Variants in KCNMA1 observed in about 807,000 individuals in gnomAD.
KCNMA1 encodes the protein Calcium-activated potassium channel subunit alpha-1.
In KCNMA1, 29 loss-of-function variants were observed where a neutral mutation model predicts 140.0. That is an observed-to-expected ratio of 0.21 (90% CI 0.15 to 0.28). The LOEUF is 0.28. KCNMA1 is among the 10% of genes least tolerant of loss of function. The pLI, the probability that KCNMA1 is intolerant of heterozygous loss-of-function variation, is 1.00. For synonymous variants in KCNMA1, 612 were observed against 611.9 expected (o/e 1.00, Z 0.00); for missense variants, 880 against 1,602.2 (o/e 0.55, Z 7.70).
intron 13 of KCNMA1, among the ~76,000 whole-genome samples, chr10:77,077,054 T>C (rs1004210621): frequency 8.6e-5 from 13 of 151,316 alleles, no homozygotes; most frequent in East Asian, 3.9e-4. Flanking sequence ...AGAAAAAAAA[T>C]GTTGAAAGGG....
rs116122608 is a variant in KCNMA1 at position 77,073,406 on chromosome 10, C to T, written c.1594-154G>A. Among the ~76,000 whole-genome samples, 786 of 152,266 alleles carry T rather than the reference C, an allele frequency of 5.2e-3. 8 individuals are homozygous for T. The highest frequency in any genetic ancestry group is 0.018 in the African/African-American group (746 of 41,556). On this transcript the variant is annotated intron_variant, in intron 13 of 27. Coordinates refer to ENST00000286628, the MANE Select transcript of KCNMA1 (RefSeq NM_001161352.2). The stretch of plus-strand genomic sequence containing the variant: ...GCGGTCTGATGTTTGCTGTTTTATG[C>T]AACTCTTCTGCTCATCACACTTCAG...
intron 20 of KCNMA1, among the ~76,000 whole-genome samples, chr10:76,958,104 C>T (rs921305191): frequency 1.3e-5 from 2 of 152,178 alleles, no homozygotes; most frequent in Non-Finnish European, 1.5e-5. Flanking sequence ...CCAATCAACA[C>T]TGCTGTGATC....
chr10:77,195,482 T>C (rs900509647), intron 3 of KCNMA1, among the ~76,000 whole-genome samples: 5 of 152,198 alleles, frequency 3.3e-5, no homozygotes, highest in African/African-American at 1.2e-4. Context: ...GATTATACAA[T>C]CATATCTTCA....
At chr10:77,492,709 T>C (rs916660420) in intron 1 of KCNMA1, among the ~76,000 whole-genome samples, 1 of 152,194 alleles carries the variant, frequency 6.6e-6, no homozygotes, top group Non-Finnish European at 1.5e-5. Flanking sequence ...CCTCAGTCTT[T>C]CCCTGAGTTC....
At chr10:77,378,687 G>A (rs1351371192) in intron 2 of KCNMA1, among the ~76,000 whole-genome samples, 1 of 152,046 alleles carries the variant, frequency 6.6e-6, no homozygotes, top group Non-Finnish European at 1.5e-5. Flanking sequence ...TTACTTTCAG[G>A]GTATTTAGGA....
At chr10:77,621,523 T>C (rs927399257) in intron 1 of KCNMA1, among the ~76,000 whole-genome samples, 3 of 146,660 alleles carry the variant, frequency 2.0e-5, no homozygotes, top group Non-Finnish European at 4.5e-5. Context: ...TACGTACATG[T>C]ACACACACAC....
intron 1 of KCNMA1, among the ~76,000 whole-genome samples, chr10:77,560,978 T>C (rs944820824): frequency 2.0e-5 from 3 of 151,986 alleles, no homozygotes; most frequent in African/African-American, 4.8e-5. Flanking sequence ...CTGGGACTAC[T>C]GGAAAAATGA....
At chr10:77,115,669 T>G (rs1294941963) in intron 6 of KCNMA1, among the ~76,000 whole-genome samples, 1 of 152,184 alleles carries the variant, frequency 6.6e-6, no homozygotes, top group Non-Finnish European at 1.5e-5. Flanking sequence ...ATGACCTAAA[T>G]ATGGTGATTA....
intron 1 of KCNMA1, among the ~76,000 whole-genome samples, chr10:77,571,207 G>T (rs2071152999): frequency 6.6e-6 from 1 of 152,090 alleles, no homozygotes; most frequent in African/African-American, 2.4e-5. Flanking sequence ...TGATTCTTCT[G>T]TCTGTTGTTT....
intron 1 of KCNMA1, among the ~76,000 whole-genome samples, chr10:77,413,870 A>G (rs1566687639): frequency 6.6e-6 from 1 of 152,194 alleles, no homozygotes; most frequent in Non-Finnish European, 1.5e-5. Flanking sequence ...ACAGGAACTT[A>G]TAAAGAAGCT....
chr10:77,281,768 A>C (rs780088873), intron 2 of KCNMA1, among the ~76,000 whole-genome samples: 4 of 152,242 alleles, frequency 2.6e-5, no homozygotes, highest in Non-Finnish European at 4.4e-5. Flanking sequence ...ATTATGCTGC[A>C]TACAAAAAAG....
At chr10:77,052,348 C>A (rs955357178) in intron 14 of KCNMA1, among the ~76,000 whole-genome samples, 11 of 152,088 alleles carry the variant, frequency 7.2e-5, no homozygotes, top group African/African-American at 2.7e-4. Context: ...ACATGATGGT[C>A]TCCCAAAATA....
At chr10:77,627,402 C>A (rs1038454869) in intron 1 of KCNMA1, among the ~76,000 whole-genome samples, 2 of 152,120 alleles carry the variant, frequency 1.3e-5, no homozygotes, top group African/African-American at 4.8e-5. Flanking sequence ...CAGTCAAAAG[C>A]CTCCAGTCAC....
chr10:77,542,581 A>AT (rs1289399860), intron 1 of KCNMA1, among the ~76,000 whole-genome samples: 5 of 152,206 alleles, frequency 3.3e-5, no homozygotes, highest in African/African-American at 9.6e-5. Context: ...AGGAAATTGT[A>AT]TTTTTTTAAA....
intron 1 of KCNMA1, among the ~76,000 whole-genome samples, chr10:77,416,937 ACTC>A (rs1413095208): frequency 6.6e-6 from 1 of 151,888 alleles, no homozygotes; most frequent in Non-Finnish European, 1.5e-5. Flanking sequence ...TAGAAGTCAA[ACTC>A]CTCAAGGCCT....
downstream of KCNMA1, chr10:76,872,986 A>G (rs2031659834): frequency 6.6e-6 from 1 of 152,132 alleles, no homozygotes; most frequent in African/African-American, 2.4e-5. Context: ...AAAATATGCC[A>G]AAAGAGGAAG....
chr10:77,412,565 T>G (rs1048229360), intron 1 of KCNMA1, among the ~76,000 whole-genome samples: 2 of 152,134 alleles, frequency 1.3e-5, no homozygotes, highest in African/African-American at 4.8e-5. Flanking sequence ...CTAACCTCTC[T>G]GAGAAGAGTC....
rs369327858 is a variant in KCNMA1, at chr10:77,051,039, G to A, written c.1750-11402C>T. ...CTGAATCTCCATTGGAATGTGGGTT[G>A]TGTAGATACAGAAGCAATATCATGA... On this transcript the variant is annotated intron_variant, in intron 14 of 27. Coordinates refer to ENST00000286628, the MANE Select transcript of KCNMA1 (RefSeq NM_001161352.2). Among the ~76,000 whole-genome samples, 54 of 152,286 alleles carry A rather than the reference G, an allele frequency of 3.5e-4. No homozygotes were observed. In the East Asian group the frequency reaches 4.1e-3, roughly 11 times the overall value.
chr10:77,170,395 C>G (rs531268231), intron 5 of KCNMA1, among the ~76,000 whole-genome samples: 1 of 151,894 alleles, frequency 6.6e-6, no homozygotes, highest in Non-Finnish European at 1.5e-5. Flanking sequence ...GCCCTTCCCT[C>G]GAGGAGCGGG....
Sources: gnomAD v4.1 joint callset for allele counts (sites outside exome capture counted in the v4.1 genomes callset) on GRCh38, gnomAD v4.1.1 for gene constraint, MANE v1.5 for transcripts, NCBI Gene and HGNC (gene_info 2026-07-23, HGNC 2026-07-21) for gene names.